SCFD2: variants seen among roughly 807,000 people sequenced by gnomAD.
SCFD2 encodes sec1 family domain-containing protein 2.
Under a neutral mutation model 58.9 loss-of-function variants are expected in SCFD2, and 54 were observed. The observed-to-expected ratio is 0.92, with a 90% CI of 0.74 to 1.15. SCFD2 has a LOEUF of 1.15. SCFD2 is among the 50% of genes most tolerant of loss of function. The pLI is 0.00. For missense variants in SCFD2, 805 were observed against 836.6 expected (o/e 0.96, Z 0.47); for synonymous variants, 321 against 335.9 (o/e 0.96, Z 0.49).
chr4:53,321,920 G>T (rs1733037198), intron 2 of SCFD2, among the ~76,000 whole-genome samples: 1 of 152,124 alleles, frequency 6.6e-6, no homozygotes, highest in African/African-American at 2.4e-5. Flanking sequence ...TGGAAACATG[G>T]CTGTGAGCAT....
At chr4:53,313,524 A>G (rs1344134931) in intron 3 of SCFD2, 112 bp downstream of exon 3, 7 of 1,234,606 alleles carry the variant, frequency 5.7e-6, no homozygotes, top group Non-Finnish European at 1.2e-6. Flanking sequence ...ACAGTATACA[A>G]AAGTCGTTAC....
At chr4:53,328,398 T>G (rs1733286746) in intron 2 of SCFD2, among the ~76,000 whole-genome samples, 3 of 152,136 alleles carry the variant, frequency 2.0e-5, no homozygotes. Flanking sequence ...AAGATGAATT[T>G]GAAATATACC....
intron 4 of SCFD2, among the ~76,000 whole-genome samples, chr4:53,238,523 A>T (rs1729764137): frequency 1.4e-5 from 2 of 147,466 alleles, no homozygotes; most frequent in Non-Finnish European, 3.0e-5. Flanking sequence ...TCCCTCCCGG[A>T]TGGGGTGGCT....
chr4:53,283,387 TG>T (rs1481889814), intron 3 of SCFD2, among the ~76,000 whole-genome samples: 2 of 152,224 alleles, frequency 1.3e-5, no homozygotes, highest in Admixed American at 6.5e-5. Flanking sequence ...TTTTATTGGC[TG>T]GGGCTATCAT....
In SCFD2 at chr4:52,970,741, G is replaced by A. The variant is rs545788044; in HGVS notation, c.1562-49871C>T. ...CTCCTTAAGTGGGTCCCTGACCCCC[G>A]AGTAGCCTAACTGGGAGGCATCCCC... On this transcript the variant is annotated intron_variant, in intron 5 of 8. Coordinates refer to ENST00000401642, the MANE Select transcript of SCFD2 (RefSeq NM_152540.4). Among the ~76,000 whole-genome samples the A allele has an allele frequency of 1.2e-4, 19 of 152,334 alleles. No individual in the cohort carries two copies. The East Asian group carries it at 3.3e-3, about 26-fold the overall frequency.
chr4:52,911,842 G>A (rs758094261), intron 6 of SCFD2, among the ~76,000 whole-genome samples: 2 of 152,130 alleles, frequency 1.3e-5, no homozygotes, highest in Non-Finnish European at 2.9e-5. Flanking sequence ...AACCACTTCT[G>A]TGCTTTGCCA....
At chr4:53,159,588 T>C (rs1726793486) in intron 4 of SCFD2, among the ~76,000 whole-genome samples, 1 of 152,158 alleles carries the variant, frequency 6.6e-6, no homozygotes, top group Admixed American at 6.5e-5. Flanking sequence ...TCAGAGGTAA[T>C]CTACTGACTA....
intron 7 of SCFD2, among the ~76,000 whole-genome samples, chr4:52,898,250 G>A (rs1719079308): frequency 6.6e-6 from 1 of 152,156 alleles, no homozygotes. Flanking sequence ...ATGTTAGGGT[G>A]TCAATTTTAG....
chr4:52,997,118 C>G (rs1005785099), intron 5 of SCFD2, among the ~76,000 whole-genome samples: 1 of 152,198 alleles, frequency 6.6e-6, no homozygotes, highest in Non-Finnish European at 1.5e-5. Context: ...TGACCTTATT[C>G]CCCCAGACTG....
At chr4:52,906,195 T>G (rs1719344188) in intron 7 of SCFD2, among the ~76,000 whole-genome samples, 1 of 152,214 alleles carries the variant, frequency 6.6e-6, no homozygotes, top group Non-Finnish European at 1.5e-5. Flanking sequence ...GTACAGGGTC[T>G]GACTGCACCA....
intron 4 of SCFD2, among the ~76,000 whole-genome samples, chr4:53,216,539 TTTTC>T (rs1389472329): frequency 6.6e-6 from 1 of 152,200 alleles, no homozygotes; most frequent in African/African-American, 2.4e-5. Flanking sequence ...TTCTCTCTTT[TTTTC>T]TTTATTAGTC....
At chr4:52,974,610 A>T (rs1159452490) in intron 5 of SCFD2, among the ~76,000 whole-genome samples, 1 of 152,204 alleles carries the variant, frequency 6.6e-6, no homozygotes, top group East Asian at 1.9e-4. Context: ...TAATTTATAG[A>T]TTCAATGTCA....
At chr4:52,900,552 C>T (rs1041450155) in intron 7 of SCFD2, among the ~76,000 whole-genome samples, 1 of 152,252 alleles carries the variant, frequency 6.6e-6, no homozygotes, top group African/African-American at 2.4e-5. Context: ...TCTGCCCCTA[C>T]TGGGAGGTGC....
intron 2 of SCFD2, among the ~76,000 whole-genome samples, chr4:53,339,729 C>G (rs1303842946): frequency 6.6e-6 from 1 of 151,628 alleles, no homozygotes. Context: ...AAGATTGCAC[C>G]ACTGCACTCC....
rs567481126 is a variant in SCFD2 at position 53,059,091 on chromosome 4, T to C, written c.1561+86242A>G. On this transcript the variant is annotated intron_variant, in intron 5 of 8. Coordinates refer to ENST00000401642, the MANE Select transcript of SCFD2 (RefSeq NM_152540.4). ...TTGCAAGTTTCTACTAGAAGCAGTT[T>C]AGAATATCAAATTTCTTCCCCTGAT... Among the ~76,000 whole-genome samples, 5 of 152,228 alleles carry C rather than the reference T, an allele frequency of 3.3e-5. No homozygotes were observed. In the East Asian group the frequency reaches 9.7e-4, roughly 30 times the overall value.
intron 3 of SCFD2, among the ~76,000 whole-genome samples, chr4:53,279,095 T>C (rs1388149597): frequency 6.6e-6 from 1 of 152,252 alleles, no homozygotes; most frequent in South Asian, 2.1e-4. Flanking sequence ...TATTCATACT[T>C]CACCTTACAA....
rs184630805 is a variant in SCFD2 at position 53,179,299 on chromosome 4, C to T, written c.1312-33717G>A. Among the ~76,000 whole-genome samples, 4 of 152,138 alleles carry T rather than the reference C, an allele frequency of 2.6e-5. No individual in the cohort carries two copies. The East Asian group carries it at 7.7e-4, about 29-fold the overall frequency. ...GAAGCCCATCAGACTAACAGCTGAT[C>T]GCTCGGCAGAAACTCTACAAGCCAG... On this transcript the variant is annotated intron_variant, in intron 4 of 8. Transcript: ENST00000401642.
intron 5 of SCFD2, among the ~76,000 whole-genome samples, chr4:53,139,138 C>G (rs1046900130): frequency 1.3e-5 from 2 of 152,284 alleles, no homozygotes; most frequent in African/African-American, 2.4e-5. Flanking sequence ...CCCGAGGTGC[C>G]GGGATTGCAG....
At chr4:53,141,415 G>T (rs1172665380) in intron 5 of SCFD2, among the ~76,000 whole-genome samples, 1 of 152,020 alleles carries the variant, frequency 6.6e-6, no homozygotes, top group African/African-American at 2.4e-5. Context: ...CTTTTGACAA[G>T]ATTGATCAAA....
Sources: allele counts gnomAD v4.1 joint callset (sites outside exome capture counted in the v4.1 genomes callset), GRCh38; gene constraint gnomAD v4.1.1; transcripts MANE v1.5; gene names NCBI Gene and HGNC (gene_info 2026-07-23, HGNC 2026-07-21).